Variants in NFIB observed in about 807,000 individuals in gnomAD.
The protein encoded by NFIB is nuclear factor 1 B-type.
NFIB carries 11 observed loss-of-function variants against 61.5 expected under a neutral mutation model. The ratio of observed to expected loss-of-function variants is 0.18; its 90% CI spans 0.11 to 0.30. The LOEUF is 0.30. Ranked by LOEUF, NFIB falls within the 10% of genes least tolerant of loss-of-function variation. The pLI is 1.00. For synonymous variants in NFIB, 260 were observed against 216.5 expected (o/e 1.20, Z -1.76); for missense variants, 471 against 608.9 (o/e 0.77, Z 2.38).
At chr9:14,315,228 C>G (rs1369899673), upstream of NFIB, among the ~76,000 whole-genome samples, 1 of 151,564 alleles carries the variant, frequency 6.6e-6, no homozygotes, top group Non-Finnish European at 1.5e-5. Flanking sequence ...GGGTTCGTCC[C>G]GGGTCTGCCC....
At chr9:14,441,048 C>T in the NFIB span, among the ~76,000 whole-genome samples, 171 of 150,960 alleles carry the variant, frequency 1.1e-3, no homozygotes, top group African/African-American at 3.7e-3. Context: ...CCCTAGGTAG[C>T]CCTAGAACTA....
the NFIB span, among the ~76,000 whole-genome samples, chr9:14,460,870 C>A: frequency 6.6e-6 from 1 of 151,898 alleles, no homozygotes; most frequent in Non-Finnish European, 1.5e-5. Context: ...CTTGTTATTC[C>A]AACTTCACTT....
At chr9:14,450,520 T>C in the NFIB span, among the ~76,000 whole-genome samples, 1 of 152,236 alleles carries the variant, frequency 6.6e-6, no homozygotes, top group Non-Finnish European at 1.5e-5. Flanking sequence ...TCATTTATTC[T>C]GTACTTTGAA....
At chr9:14,220,100 G>A (rs2051459970) in intron 2 of NFIB, among the ~76,000 whole-genome samples, 1 of 152,240 alleles carries the variant, frequency 6.6e-6, no homozygotes, top group African/African-American at 2.4e-5. Context: ...CCTAGCAACA[G>A]GCTGTGGTCT....
At chr9:14,336,876 A>G (rs533509823) in intron 1 of NFIB, among the ~76,000 whole-genome samples, 2 of 152,122 alleles carry the variant, frequency 1.3e-5, no homozygotes, top group Admixed American at 1.3e-4. Flanking sequence ...CAGGTCATAC[A>G]CTCTCCGTCA....
At chr9:14,137,536 G>C (rs1260562935) in intron 6 of NFIB, among the ~76,000 whole-genome samples, 1 of 151,998 alleles carries the variant, frequency 6.6e-6, no homozygotes, top group East Asian at 1.9e-4. Flanking sequence ...TAAAATATTA[G>C]AACACAAATC....
chr9:14,250,984 A>T (rs949419785), intron 2 of NFIB, among the ~76,000 whole-genome samples: 1 of 152,248 alleles, frequency 6.6e-6, no homozygotes, highest in Non-Finnish European at 1.5e-5. Context: ...AAATGCTTGT[A>T]GTTTTTCAGA....
chr9:14,226,872 G>A (rs1040407448), intron 2 of NFIB, among the ~76,000 whole-genome samples: 1 of 152,158 alleles, frequency 6.6e-6, no homozygotes, highest in Non-Finnish European at 1.5e-5. Context: ...AGGCACGGTG[G>A]TGCACACCTG....
intron 1 of NFIB, among the ~76,000 whole-genome samples, chr9:14,395,641 A>T (rs971314059): frequency 6.8e-6 from 1 of 147,210 alleles, no homozygotes; most frequent in Non-Finnish European, 1.5e-5. Context: ...TCATTCTCCA[A>T]CCCAGTGGTT....
At chr9:14,474,044 G>C in the NFIB span, among the ~76,000 whole-genome samples, 1 of 152,120 alleles carries the variant, frequency 6.6e-6, no homozygotes, top group Non-Finnish European at 1.5e-5. Flanking sequence ...CATACTACAA[G>C]GATTTTATCA....
the NFIB span, among the ~76,000 whole-genome samples, chr9:14,507,140 T>G: frequency 1.3e-5 from 2 of 152,246 alleles, no homozygotes; most frequent in Non-Finnish European, 2.9e-5. Context: ...CTAATCCAAC[T>G]GTGTCCTGTT....
intron 8 of NFIB, among the ~76,000 whole-genome samples, chr9:14,119,986 G>T (rs1030764377): frequency 6.6e-6 from 1 of 152,198 alleles, no homozygotes; most frequent in Non-Finnish European, 1.5e-5. Context: ...CAAACACTGA[G>T]AATGTTTACA....
intron 2 of NFIB, among the ~76,000 whole-genome samples, chr9:14,214,863 G>C (rs770417898): frequency 2.6e-4 from 40 of 152,314 alleles, no homozygotes; most frequent in Non-Finnish European, 5.0e-4. Flanking sequence ...ACAGTGCAGA[G>C]AGCCATCCTA....
chr9:14,152,108 C>G (rs558303368), intron 4 of NFIB, among the ~76,000 whole-genome samples: 1 of 152,166 alleles, frequency 6.6e-6, no homozygotes, highest in African/African-American at 2.4e-5. Flanking sequence ...CCACGGAATA[C>G]ACAATGAACA....
the NFIB span, among the ~76,000 whole-genome samples, chr9:14,496,292 A>G: frequency 6.6e-6 from 1 of 152,232 alleles, no homozygotes; most frequent in Non-Finnish European, 1.5e-5. Flanking sequence ...CCTTATCTAC[A>G]TAACCTGAAG....
intron 2 of NFIB, among the ~76,000 whole-genome samples, chr9:14,233,421 C>CTTTTTTT (rs766595252): frequency 6.4e-5 from 7 of 109,120 alleles, no homozygotes; most frequent in African/African-American, 1.0e-4. Context: ...TGCTATTATT[C>CTTTTTTT]TTTTTTTTTT....
intron 1 of NFIB, chr9:14,357,303 GT>G (rs1360694946): frequency 6.6e-6 from 1 of 152,084 alleles, no homozygotes; most frequent in East Asian, 1.9e-4. Context: ...AGAGACTAAG[GT>G]TTTATTTTTC....
At chr9:14,298,117 A>T (rs1035305101) in intron 2 of NFIB, among the ~76,000 whole-genome samples, 1 of 152,192 alleles carries the variant, frequency 6.6e-6, no homozygotes, top group Admixed American at 6.5e-5. Context: ...GTCACAAAAG[A>T]TAGGATTCCC....
the NFIB span, among the ~76,000 whole-genome samples, chr9:14,502,783 C>G: frequency 2.6e-5 from 4 of 152,076 alleles, no homozygotes; most frequent in African/African-American, 9.7e-5. Context: ...TGCTTGGTTA[C>G]ATGAATAAGT....
Sources: gnomAD v4.1 joint callset for allele counts (sites outside exome capture counted in the v4.1 genomes callset) on GRCh38, gnomAD v4.1.1 for gene constraint, MANE v1.5 for transcripts, NCBI Gene and HGNC (gene_info 2026-07-23, HGNC 2026-07-21) for gene names.